The following SDCCAG8 variants were observed in gnomAD, a reference collection of about 807,000 sequenced individuals.
SDCCAG8 encodes serologically defined colon cancer antigen 8.
A neutral mutation model predicts 101.8 loss-of-function variants in SDCCAG8; 74 were observed. The ratio of observed to expected loss-of-function variants is 0.73; its 90% CI spans 0.60 to 0.88. SDCCAG8 has a LOEUF of 0.88. SDCCAG8 is among the 40% of genes least tolerant of loss of function. The probability of loss-of-function intolerance (pLI) is 0.00; values close to 1 mark genes in which losing one functional copy is unlikely to be tolerated. For synonymous variants in SDCCAG8, 281 were observed against 292.9 expected, an observed-to-expected ratio of 0.96 and a Z score of 0.41; for missense variants, 787 against 822.6, an observed-to-expected ratio of 0.96 and a Z score of 0.53.
chr1:243,393,602 C>T (rs564192767), intron 13 of SDCCAG8, among the ~76,000 whole-genome samples: 1 of 152,170 alleles, frequency 6.6e-6, no homozygotes, highest in African/African-American at 2.4e-5. Flanking sequence ...CTGAATTTGT[C>T]CTGTGAGTTT....
At chr1:243,473,266 T>G (rs1661608709) in intron 16 of SDCCAG8, among the ~76,000 whole-genome samples, 1 of 152,228 alleles carries the variant, frequency 6.6e-6, no homozygotes, top group Admixed American at 6.5e-5. Flanking sequence ...CATTCTTAAT[T>G]AAGACAGTGA....
intron 1 of SDCCAG8, chr1:243,268,052 C>G: frequency 5.2e-6 from 4 of 766,954 alleles, no homozygotes; most frequent in South Asian, 4.1e-5. Context: ...TTCTTTAAGC[C>G]TCTGATCTCT....
chr1:243,492,034 GC>G (rs1553382132), intron 17 of SDCCAG8, among the ~76,000 whole-genome samples: 1 of 152,132 alleles, frequency 6.6e-6, no homozygotes, highest in Non-Finnish European at 1.5e-5. Flanking sequence ...GAGCCCCGCT[GC>G]CCCTGGTGGT....
chr1:243,397,325 A>G (rs2079086603), intron 13 of SDCCAG8, among the ~76,000 whole-genome samples: 1 of 152,208 alleles, frequency 6.6e-6, no homozygotes, highest in Non-Finnish European at 1.5e-5. Context: ...TTGGCTCTTG[A>G]CACCATCCAG....
intron 15 of SDCCAG8, among the ~76,000 whole-genome samples, chr1:243,418,734 C>T (rs1031763762): frequency 2.6e-5 from 4 of 152,184 alleles, no homozygotes; most frequent in African/African-American, 9.6e-5. Context: ...TCAGCTCCGA[C>T]AGTAACTGAA....
At chr1:243,424,891 A>C (rs1213804899) in intron 15 of SDCCAG8, among the ~76,000 whole-genome samples, 1 of 151,778 alleles carries the variant, frequency 6.6e-6, no homozygotes, top group Non-Finnish European at 1.5e-5. Context: ...AATGTTCTGC[A>C]TTTTTTTCTA....
At chr1:243,371,659 A>C (rs189391310) in intron 12 of SDCCAG8, among the ~76,000 whole-genome samples, 8 of 152,230 alleles carry the variant, frequency 5.3e-5, no homozygotes, top group African/African-American at 1.9e-4. Context: ...TGAAGAGGAT[A>C]ATCATTTTTG....
At chr1:243,468,168 T>C (rs577042677) in intron 16 of SDCCAG8, among the ~76,000 whole-genome samples, 1 of 152,144 alleles carries the variant, frequency 6.6e-6, no homozygotes, top group South Asian at 2.1e-4. Flanking sequence ...AGCCTCAGTT[T>C]CCCTGTCCAT....
At chr1:243,484,492 C>T (rs570167603) in intron 16 of SDCCAG8, among the ~76,000 whole-genome samples, 47 of 152,332 alleles carry the variant, frequency 3.1e-4, no homozygotes, top group African/African-American at 1.1e-3. Context: ...ATTGTGAGTG[C>T]TAAATAAACA....
chr1:243,433,375 A>G (rs923773383), intron 16 of SDCCAG8, among the ~76,000 whole-genome samples: 1 of 150,192 alleles, frequency 6.7e-6, no homozygotes, highest in Admixed American at 6.6e-5. Context: ...AAAAAAAAAA[A>G]GGATATACTC....
At chr1:243,319,671 C>A (rs1351771118) in intron 9 of SDCCAG8, among the ~76,000 whole-genome samples, 1 of 152,162 alleles carries the variant, frequency 6.6e-6, no homozygotes, top group Non-Finnish European at 1.5e-5. Flanking sequence ...CCGCGCCTGG[C>A]CCCTTTTTAA....
At chr1:243,324,459 CTTTTT>C (rs34446782) in intron 9 of SDCCAG8, among the ~76,000 whole-genome samples, 4 of 87,018 alleles carry the variant, frequency 4.6e-5, no homozygotes, top group African/African-American at 1.9e-4. Context: ...TCTTCACATG[CTTTTT>C]TTTTTTTTTT....
rs1669058410 is a variant in SDCCAG8 at position 243,499,767 on chromosome 1, G to A, written c.2124G>A (p.Met708Ile). Residue 708 changes from methionine (M) to isoleucine (I), a missense_variant, in exon 18 of 18, where the codon ATG becomes ATA. Transcript: ENST00000366541. ...VDRLRTQLPS[M>I]PQSDC ...ATTATTTTTTCCAGTTACCCAGCAT[G>A]CCACAATCTGATTGCTGACCTGGAT... 1 of 1,612,292 alleles carries A rather than the reference G, an allele frequency of 6.2e-7. No homozygotes were observed. Among genetic ancestry groups the A allele is most frequent in the Non-Finnish European group, 8.5e-7 (1 of 1,178,632 alleles).
chr1:243,367,942 A>G (rs192497947), intron 12 of SDCCAG8, among the ~76,000 whole-genome samples: 6 of 152,010 alleles, frequency 3.9e-5, no homozygotes, highest in Non-Finnish European at 7.4e-5. Context: ...GGCTAGACAC[A>G]GTGGCTCATG....
At chr1:243,320,041 C>G (rs778373215) in intron 9 of SDCCAG8, among the ~76,000 whole-genome samples, 23 of 152,148 alleles carry the variant, frequency 1.5e-4, no homozygotes, top group Non-Finnish European at 2.8e-4. Context: ...TTTACCATCT[C>G]AAATTGAACT....
chr1:243,378,931 A>T (rs1403299580), intron 13 of SDCCAG8, 68 bp downstream of exon 13: 1 of 1,596,144 alleles, frequency 6.3e-7, no homozygotes, highest in Non-Finnish European at 8.6e-7. Context: ...ACAGGCTTCC[A>T]AACAGTTGTT....
rs925528697 is a variant in SDCCAG8, at chr1:243,415,973, A to C, written c.1744+144A>C. On this transcript the variant is annotated intron_variant, in intron 14 of 17. Coordinates refer to ENST00000366541, the MANE Select transcript of SDCCAG8 (RefSeq NM_006642.5). Reference sequence around the variant, plus strand: ...AACTACACCGGAGATTCCGAATTACATATTAGTTAGCGTTTAAAAGAGAAA... The same window carrying C: ...AACTACACCGGAGATTCCGAATTACCTATTAGTTAGCGTTTAAAAGAGAAA... 3.2e-6 allele frequency: 3 copies of C among 947,536 alleles called. No homozygotes were observed. The African/African-American group carries it at 5.0e-5, about 16-fold the overall frequency. The allele number at this position is 947,536 out of a possible 1,614,324, so 58.7% of individuals were successfully genotyped here. A position where few individuals can be genotyped will look rare whatever the true frequency, so the allele number is the denominator to read the frequency against.
intron 8 of SDCCAG8, among the ~76,000 whole-genome samples, 173 bp downstream of exon 8, chr1:243,308,350 G>A (rs2072370061): frequency 6.6e-6 from 1 of 152,186 alleles, no homozygotes; most frequent in African/African-American, 2.4e-5. Flanking sequence ...ACAAATGGGT[G>A]GGTTCTGCCA....
chr1:243,368,972 G>A (rs2077139996), intron 12 of SDCCAG8, among the ~76,000 whole-genome samples: 1 of 152,086 alleles, frequency 6.6e-6, no homozygotes, highest in Non-Finnish European at 1.5e-5. Context: ...TCATCCCAGT[G>A]GAGTGACATT....
Sources: allele counts gnomAD v4.1 joint callset (sites outside exome capture counted in the v4.1 genomes callset), GRCh38; gene constraint gnomAD v4.1.1; transcripts MANE v1.5; gene names NCBI Gene and HGNC (gene_info 2026-07-23, HGNC 2026-07-21).